The following DOP1B variants were observed in gnomAD, a reference collection of about 807,000 sequenced individuals.
The protein encoded by DOP1B is protein DOP1B.
In DOP1B, 174 loss-of-function variants were observed where a neutral mutation model predicts 233.5. The observed-to-expected ratio is 0.75, with a 90% CI of 0.66 to 0.85. The LOEUF (loss-of-function observed/expected upper bound fraction) is 0.85. Ranked by LOEUF, DOP1B falls within the 40% of genes least tolerant of loss-of-function variation. The pLI, the probability that DOP1B is intolerant of heterozygous loss-of-function variation, is 0.00. For synonymous variants in DOP1B, 1,190 were observed against 1,185.6 expected, an observed-to-expected ratio of 1.00 and a Z score of -0.08; for missense variants, 2,652 against 2,846.6, an observed-to-expected ratio of 0.93 and a Z score of 1.56.
intron 2 of DOP1B, among the ~76,000 whole-genome samples, chr21:36,166,768 G>T (rs1442797724): frequency 6.6e-6 from 1 of 152,144 alleles, no homozygotes; most frequent in African/African-American, 2.4e-5. Context: ...GGGGAACTGG[G>T]GTGAGTGAAG....
intron 2 of DOP1B, among the ~76,000 whole-genome samples, chr21:36,194,408 CAAAG>C (rs997268029): frequency 2.0e-5 from 3 of 151,634 alleles, no homozygotes; most frequent in African/African-American, 7.3e-5. Context: ...TTTCTTACCA[CAAAG>C]GAAGGATATC....
At chr21:36,183,751 G>A (rs976751532) in intron 2 of DOP1B, among the ~76,000 whole-genome samples, 1 of 152,214 alleles carries the variant, frequency 6.6e-6, no homozygotes, top group Non-Finnish European at 1.5e-5. Context: ...CTGAGTGCCC[G>A]GGACAGAGTT....
intron 22 of DOP1B, 59 bp from the exon 23 acceptor site, chr21:36,253,713 C>A (rs62232368): frequency 1.9e-6 from 3 of 1,568,270 alleles, no homozygotes; most frequent in South Asian, 2.3e-5. Context: ...AAGGATGTGT[C>A]ATCCTTATTT....
chr21:36,163,364 G>A (rs112114596), intron 1 of DOP1B, among the ~76,000 whole-genome samples: 2,089 of 80,058 alleles, frequency 0.026, 33 homozygotes, highest in Non-Finnish European at 0.047. Context: ...AAAAAAGAAA[G>A]AAAGAAAGTA....
At chr21:36,165,411 TGTGTGTGCATAC>T (rs1014354226) in intron 2 of DOP1B, among the ~76,000 whole-genome samples, 4 of 152,058 alleles carry the variant, frequency 2.6e-5, no homozygotes, top group African/African-American at 4.8e-5. Context: ...TGTGTGTGCA[TGTGTGTGCATAC>T]GTGTGTGCAT....
In DOP1B at chr21:36,263,610, C is replaced by T; in HGVS notation, c.5380C>T (p.Gln1794Ter). The T allele has an allele frequency of 2.5e-6, 4 of 1,614,146 alleles. No individual in the cohort carries two copies. Among genetic ancestry groups the T allele is most frequent in the Non-Finnish European group, 3.4e-6 (4 of 1,180,026 alleles). Residue 1794 changes from glutamine to a stop codon, truncating the protein, a stop_gained, in exon 25 of 37, where the codon CAG becomes TAG. Transcript: ENST00000691173. LOFTEE classifies it high-confidence loss of function. The part of the protein sequence containing the change: ...SLLGVLKESV[Q>*]LNLAPPGYFL... ...GTTGGGAGTATTGAAAGAGTCTGTA[C>T]AGTTGAATCTAGCCCCACCTGGGTA...
At chr21:36,211,134 G>A (rs903189788) in intron 5 of DOP1B, among the ~76,000 whole-genome samples, 3 of 152,204 alleles carry the variant, frequency 2.0e-5, no homozygotes, top group Admixed American at 2.0e-4. Context: ...CTGAGCGTTT[G>A]TCTGTGGCTC....
At chr21:36,202,886 A>G (rs1479675400) in intron 4 of DOP1B, among the ~76,000 whole-genome samples, 3 of 152,194 alleles carry the variant, frequency 2.0e-5, no homozygotes, top group African/African-American at 4.8e-5. Flanking sequence ...CTCCATGCCA[A>G]TGGACTCCTA....
intron 1 of DOP1B, among the ~76,000 whole-genome samples, chr21:36,162,660 A>C (rs968519760): frequency 1.3e-5 from 2 of 151,938 alleles, no homozygotes; most frequent in African/African-American, 4.8e-5. Flanking sequence ...CTCATGCCTC[A>C]TCCTCCCGAG....
intron 2 of DOP1B, chr21:36,169,339 G>A (rs1264165718): frequency 6.4e-6 from 5 of 783,370 alleles, no homozygotes; most frequent in Non-Finnish European, 1.1e-5. Context: ...AGATCTTCTT[G>A]TTGATCTCAG....
chr21:36,257,801 GGGTAGGTATGTAGATAGAT>G, intron 23 of DOP1B, among the ~76,000 whole-genome samples: 1 of 26,864 alleles, frequency 3.7e-5, no homozygotes, highest in Non-Finnish European at 6.7e-5. Context: ...GGTAGATGTA[GGGTAGGTATGTAGATAGAT>G]GTAGGTAGGT....
At chr21:36,263,126 C>T (rs994391790) in intron 24 of DOP1B, among the ~76,000 whole-genome samples, 1 of 147,554 alleles carries the variant, frequency 6.8e-6, no homozygotes, top group South Asian at 2.2e-4. Flanking sequence ...CCCAGCTATT[C>T]GGGAGGCTGA....
In DOP1B at chr21:36,246,349, C is replaced by T. The variant is rs567919644; in HGVS notation, c.4369C>T (p.Arg1457Trp). 2.7e-5 allele frequency: 44 copies of T among 1,613,650 alleles called. No individual in the cohort carries two copies. In the Admixed American group the frequency reaches 3.5e-4, roughly 13 times the overall value. The change falls in exon 19 of 37, where the codon CGG becomes TGG. Residue 1457 changes from arginine to tryptophan, a missense_variant. Arg to Trp is a moderately radical substitution (Grantham distance 101). Transcript: ENST00000691173. The surrounding 1 kb of genome is among the most constrained non-coding windows in gnomAD (Gnocchi z 5.1). ...GATTGTCTTGGAACACCACCTGGGT[C>T]GGGCCCATGAGGAGGCGGAAAACCA... ...VLIVLEHHLGRAHEEAENQPD... is the reference protein window; with the variant it reads ...VLIVLEHHLGWAHEEAENQPD...
intron 2 of DOP1B, chr21:36,170,055 G>A (rs1376742560): frequency 5.6e-6 from 4 of 711,872 alleles, no homozygotes; most frequent in East Asian, 2.8e-5. Flanking sequence ...AGGCTGTGAC[G>A]TTGACCAGCT....
rs1336961683 is a variant in DOP1B, at chr21:36,246,731, G to A, written c.4697+54G>A. ...TTGCTTTAGTGATGGTTTTTATAACGAATGACTGTTTTGCCACGGATGTGG... is the reference window on the plus strand; with the variant it reads ...TTGCTTTAGTGATGGTTTTTATAACAAATGACTGTTTTGCCACGGATGTGG... On this transcript the variant is annotated intron_variant, in intron 19 of 36. Coordinates refer to ENST00000691173, the MANE Select transcript of DOP1B (RefSeq NM_001320714.2). This position sits in a 1 kb window ranked among gnomAD's most constrained non-coding sequence, Gnocchi z 5.1. 23 of 1,551,932 alleles carry A rather than the reference G, an allele frequency of 1.5e-5. No individual in the cohort carries two copies. The highest frequency in any genetic ancestry group is 1.9e-5 in the Non-Finnish European group (22 of 1,145,026).
Position 36,211,571 on chromosome 21 carries a change from TC to T in DOP1B, c.703del (p.Leu235CysfsTer52). The T allele has an allele frequency of 2.5e-6, 4 of 1,614,220 alleles. No individual in the cohort carries two copies. Among genetic ancestry groups the T allele is most frequent in the Non-Finnish European group, 3.4e-6 (4 of 1,180,030 alleles). On this transcript the variant is annotated frameshift_variant, in exon 6 of 37. Transcript: ENST00000691173. LOFTEE classifies it high-confidence loss of function. ...TTTACAGGTGAAGTCTTTGCGTGCC[TC>T]CCTGTTGGACTCAAATGTTCTTGTG... Reference protein sequence around the residue: ...HQLTVKSLRASLLDSNVLVQR... With the variant: ...HQLTVKSLRAXLLDSNVLVQR...
rs190867483 is a variant in DOP1B at position 36,179,411 on chromosome 21, C to A, written c.138+14540C>A. 3.1e-4 allele frequency among the ~76,000 whole-genome samples: 47 copies of A among 152,292 alleles called. No homozygotes were observed. In the Middle Eastern group the frequency reaches 0.01, roughly 33 times the overall value. ...CATTTTAATGAGAGTGTAATACTCT[C>A]TTATTGTGGCTTTTGCATTTTGTAC... On this transcript the variant is annotated intron_variant, in intron 2 of 36. Transcript: ENST00000691173.
chr21:36,221,539 T>C (rs1013737697), intron 10 of DOP1B, among the ~76,000 whole-genome samples: 1 of 152,010 alleles, frequency 6.6e-6, no homozygotes, highest in African/African-American at 2.4e-5. Context: ...CAATTTCTTA[T>C]TGATTGACTT....
intron 2 of DOP1B, among the ~76,000 whole-genome samples, chr21:36,186,455 GTATT>G (rs2066167146): frequency 1.3e-5 from 2 of 152,128 alleles, no homozygotes; most frequent in Admixed American, 1.3e-4. Flanking sequence ...ATGTATGTAT[GTATT>G]TGTGTGCCTG....
Sources: gnomAD v4.1 joint callset for allele counts (sites outside exome capture counted in the v4.1 genomes callset) on GRCh38, gnomAD v4.1.1 for gene constraint, Gnocchi (gnomAD v3.1) non-coding constraint, MANE v1.5 for transcripts, NCBI Gene and HGNC (gene_info 2026-07-23, HGNC 2026-07-21) for gene names.